Variants in DARS1 observed in about 807,000 individuals in gnomAD.
The protein encoded by DARS1 is aspartyl-tRNA synthetase 1.
Under a neutral mutation model 68.8 loss-of-function variants are expected in DARS1, and 51 were observed. That is an observed-to-expected ratio of 0.74 (90% CI 0.59 to 0.94). The LOEUF (loss-of-function observed/expected upper bound fraction) is 0.94, where lower values mean the gene tolerates loss of function less well. Among genes scored for constraint, DARS1 ranks in the 40% least tolerant of loss-of-function variants. DARS1 has a pLI of 0.00. For synonymous variants in DARS1, 203 were observed against 190.4 expected (o/e 1.07, Z -0.55); for missense variants, 607 against 597.3 (o/e 1.02, Z -0.17).
chr2:135,907,597 A>G (rs1680815527), intron 15 of DARS1, among the ~76,000 whole-genome samples, 190 bp from the exon 16 acceptor site: 2 of 152,210 alleles, frequency 1.3e-5, no homozygotes, highest in Admixed American at 1.3e-4. Context: ...GCTGCTATAA[A>G]TGAAAAGGAC....
intron 9 of DARS1, among the ~76,000 whole-genome samples, chr2:135,921,094 G>A (rs544196248): frequency 1.3e-5 from 2 of 148,554 alleles, no homozygotes; most frequent in African/African-American, 4.9e-5. Context: ...AGGATATTAA[G>A]AGCCATTAGC....
chr2:135,917,187 T>A (rs1681024526), intron 10 of DARS1, among the ~76,000 whole-genome samples: 2 of 151,726 alleles, frequency 1.3e-5, no homozygotes, highest in Non-Finnish European at 2.9e-5. Flanking sequence ...AAGAAAAAAA[T>A]GTCTATTTTT....
intron 5 of DARS1, among the ~76,000 whole-genome samples, chr2:135,940,712 G>C (rs1681576344): frequency 6.6e-6 from 1 of 152,190 alleles, no homozygotes; most frequent in Non-Finnish European, 1.5e-5. Flanking sequence ...AAAAGAGCAA[G>C]TCAAATTGTC....
rs1220910878 is a variant in DARS1, at chr2:135,965,692, TA to T, written c.218-4195del. ...ATTTGGCAATAAGCATTAAAAGGCT[TA>T]AAAACGTTATCTTTGACTCAATAAA... is the stretch of plus-strand genomic sequence containing the variant. On this transcript the variant is annotated intron_variant, in intron 3 of 15. Transcript: ENST00000264161. 3.3e-5 allele frequency among the ~76,000 whole-genome samples: 5 copies of T among 152,338 alleles called. No individual in the cohort carries two copies. The South Asian group carries it at 6.2e-4, about 19-fold the overall frequency.
intron 5 of DARS1, among the ~76,000 whole-genome samples, chr2:135,940,186 C>G (rs1314846017): frequency 2.0e-5 from 3 of 152,134 alleles, no homozygotes; most frequent in Admixed American, 6.6e-5. Flanking sequence ...GATACCAAAG[C>G]CTGGCAGAGA....
chr2:135,964,939 T>C (rs756338756), intron 3 of DARS1, among the ~76,000 whole-genome samples: 7 of 151,882 alleles, frequency 4.6e-5, no homozygotes, highest in Admixed American at 1.3e-4. Flanking sequence ...ATTTTTCTTA[T>C]TAAAAAAAGG....
chr2:135,948,038 A>AG (rs1681765839), intron 4 of DARS1, among the ~76,000 whole-genome samples: 1 of 152,258 alleles, frequency 6.6e-6, no homozygotes, highest in African/African-American at 2.4e-5. Flanking sequence ...CAGGAGAATT[A>AG]ATCCCACAAA....
intron 4 of DARS1, among the ~76,000 whole-genome samples, chr2:135,956,045 C>T (rs1681967335): frequency 6.6e-6 from 1 of 152,092 alleles, no homozygotes; most frequent in Non-Finnish European, 1.5e-5. Context: ...CACACTAGAC[C>T]TCAGACTTTT....
chr2:135,970,889 T>C (rs1327444931), intron 3 of DARS1, among the ~76,000 whole-genome samples: 1 of 152,008 alleles, frequency 6.6e-6, no homozygotes, highest in East Asian at 1.9e-4. Context: ...CCTACCAAGA[T>C]TGAACCATGA....
chr2:135,915,344 G>A (rs1680982368), intron 11 of DARS1, among the ~76,000 whole-genome samples: 1 of 152,126 alleles, frequency 6.6e-6, no homozygotes, highest in South Asian at 2.1e-4. Context: ...GGAGTACAGT[G>A]GCATGATCAT....
chr2:135,928,236 G>A lies in DARS1; in HGVS notation c.565-3738C>T, dbSNP rs541724220. Among the ~76,000 whole-genome samples the A allele has an allele frequency of 4.6e-5, 7 of 152,234 alleles. No homozygotes were observed. In the South Asian group the frequency reaches 1.4e-3, roughly 32 times the overall value. On this transcript the variant is annotated intron_variant, in intron 7 of 15. Coordinates refer to ENST00000264161, the MANE Select transcript of DARS1 (RefSeq NM_001349.4). ...CTTTTAATGGCTGTAGAGAATTCCT[G>A]TTCATTTATGGTTTATCAGGTTACA...
intron 3 of DARS1, among the ~76,000 whole-genome samples, chr2:135,977,259 G>A (rs1489668055): frequency 2.0e-5 from 3 of 152,218 alleles, no homozygotes; most frequent in Non-Finnish European, 4.4e-5. Flanking sequence ...AGAAGACACT[G>A]AGGATTGGAA....
At chr2:135,982,253 T>TA (rs1682651075) in intron 2 of DARS1, among the ~76,000 whole-genome samples, 1 of 151,938 alleles carries the variant, frequency 6.6e-6, no homozygotes. Flanking sequence ...CATTTATAAA[T>TA]AAAAAATCTA....
chr2:135,934,233 A>G (rs1225307074), intron 5 of DARS1, among the ~76,000 whole-genome samples: 1 of 152,210 alleles, frequency 6.6e-6, no homozygotes, highest in Non-Finnish European at 1.5e-5. Context: ...AAGGTAACAT[A>G]TATAAAAATT....
intron 4 of DARS1, among the ~76,000 whole-genome samples, chr2:135,943,743 T>C (rs1367810036): frequency 6.6e-6 from 1 of 152,194 alleles, no homozygotes; most frequent in East Asian, 1.9e-4. Context: ...ATAAAACCAG[T>C]ACCGAATTGG....
chr2:135,985,246 G>A (rs1317411075), intron 1 of DARS1, 157 bp downstream of exon 1: 9 of 1,247,378 alleles, frequency 7.2e-6, no homozygotes, highest in African/African-American at 4.5e-5. Context: ...TGGCCCCACT[G>A]CTGGGGCAAG....
rs1681381385 is a variant in DARS1 at position 135,932,846 on chromosome 2, A to G, written c.505-4T>C. The G allele has an allele frequency of 4.3e-6, 3 of 691,808 alleles. No individual in the cohort carries two copies. Among genetic ancestry groups the G allele is most frequent in the Non-Finnish European group, 1.9e-6 (1 of 532,090 alleles). 42.9% of individuals were successfully genotyped at this position (691,808 alleles called of 1,614,324 possible). On this transcript the variant is annotated splice_polypyrimidine_tract_variant and splice_region_variant and intron_variant, in intron 6 of 15. Transcript: ENST00000264161. ...GGTTAACAGTAGCTCTTCCTTCCTA[A>G]AAAAAAAAAAAAAGAAAAGAAAAAA...
At chr2:135,913,754 G>A (rs1399360725) in intron 12 of DARS1, among the ~76,000 whole-genome samples, 4 of 149,104 alleles carry the variant, frequency 2.7e-5, no homozygotes, top group Non-Finnish European at 4.4e-5. Flanking sequence ...GCGAAACTCC[G>A]TCTCAAAAAA....
intron 3 of DARS1, among the ~76,000 whole-genome samples, chr2:135,965,698 C>T (rs928400476): frequency 1.3e-5 from 2 of 152,126 alleles, no homozygotes; most frequent in Non-Finnish European, 1.5e-5. Context: ...GGCTTAAAAA[C>T]GTTATCTTTG....
Sources: gnomAD v4.1 joint callset for allele counts (sites outside exome capture counted in the v4.1 genomes callset) on GRCh38, gnomAD v4.1.1 for gene constraint, MANE v1.5 for transcripts, NCBI Gene and HGNC (gene_info 2026-07-23, HGNC 2026-07-21) for gene names.